CCDC146: variants seen among roughly 807,000 people sequenced by gnomAD.
CCDC146 encodes the protein coiled-coil domain-containing protein 146.
A neutral mutation model predicts 119.3 loss-of-function variants in CCDC146; 92 were observed. The observed-to-expected ratio is 0.77, with a 90% confidence interval of 0.65 to 0.92. The LOEUF is 0.92. Among genes scored for constraint, CCDC146 ranks in the 40% least tolerant of loss-of-function variants. CCDC146 has a pLI of 0.00. For synonymous variants in CCDC146, 372 were observed against 371.8 expected (o/e 1.00, Z -0.01); for missense variants, 1,000 against 1,103.0 (o/e 0.91, Z 1.32).
chr7:77,289,363 A>G (rs1196814614), intron 17 of CCDC146, among the ~76,000 whole-genome samples: 1 of 152,148 alleles, frequency 6.6e-6, no homozygotes, highest in African/African-American at 2.4e-5. Flanking sequence ...TCCTAGTCTA[A>G]CAATTATTCT....
Position 77,209,963 on chromosome 7 carries a change from C to G in CCDC146, c.157-26984C>G, listed in dbSNP as rs1792151646. Among the ~76,000 whole-genome samples, 3 of 152,338 alleles carry G rather than the reference C, an allele frequency of 2.0e-5. No homozygotes were observed. In the South Asian group the frequency reaches 6.2e-4, roughly 32 times the overall value. On this transcript the variant is annotated intron_variant, in intron 2 of 18. Transcript: ENST00000285871. ...CACAAAACCATTTTTCCCTCCTAGGCCTCCAGGCCTGTGATGAGAGGGGCT... is the reference window on the plus strand; with the variant it reads ...CACAAAACCATTTTTCCCTCCTAGGGCTCCAGGCCTGTGATGAGAGGGGCT...
At chr7:77,132,531 A>G (rs1279175939) in intron 1 of CCDC146, among the ~76,000 whole-genome samples, 7 of 144,898 alleles carry the variant, frequency 4.8e-5, no homozygotes, top group African/African-American at 1.8e-4. Context: ...AGCCTGGGCA[A>G]CATAGTGAGT....
chr7:77,184,700 T>C (rs1000150506), intron 2 of CCDC146, among the ~76,000 whole-genome samples: 3 of 152,196 alleles, frequency 2.0e-5, no homozygotes, highest in East Asian at 1.9e-4. Context: ...TTGGAGAGCA[T>C]AGGAACTTGT....
intron 2 of CCDC146, among the ~76,000 whole-genome samples, chr7:77,233,828 A>G (rs944216577): frequency 6.6e-6 from 1 of 152,214 alleles, no homozygotes; most frequent in Non-Finnish European, 1.5e-5. Flanking sequence ...TTTAACTTGC[A>G]ATATTAAAAC....
chr7:77,172,203 T>C (rs10232156), intron 2 of CCDC146, among the ~76,000 whole-genome samples: 15,767 of 152,256 alleles, frequency 0.1, 2,669 homozygotes, highest in African/African-American at 0.36. Context: ...TTGTTCCTAA[T>C]TGGCATCTGT....
chr7:77,186,346 G>A (rs111970380), intron 2 of CCDC146, among the ~76,000 whole-genome samples: 1 of 152,212 alleles, frequency 6.6e-6, no homozygotes, highest in African/African-American at 2.4e-5. Flanking sequence ...CAACAACATG[G>A]ATGGAACTGG....
chr7:77,198,033 A>G, intron 2 of CCDC146: 1 of 706,270 alleles, frequency 1.4e-6, no homozygotes, highest in Non-Finnish European at 1.7e-6. Context: ...ATTTCACCCA[A>G]AATGTTTAGG....
rs775234919 is a variant in CCDC146 at position 77,289,439 on chromosome 7, C to T, written c.2415+1862C>T. Among the ~76,000 whole-genome samples, 8 of 152,296 alleles carry T rather than the reference C, an allele frequency of 5.3e-5. No individual in the cohort carries two copies. The South Asian group carries it at 1.7e-3, about 32-fold the overall frequency. On this transcript the variant is annotated intron_variant, in intron 17 of 18. Transcript: ENST00000285871. The stretch of plus-strand genomic sequence containing the variant: ...CTTCCTCCTCCCCAGCTTTCACTGT[C>T]CCCACTCCATTTAAAATGATAATCT...
At chr7:77,206,686 C>T (rs56126874) in intron 2 of CCDC146, among the ~76,000 whole-genome samples, 17 of 150,202 alleles carry the variant, frequency 1.1e-4, no homozygotes, top group African/African-American at 3.7e-4. Flanking sequence ...CACACACACA[C>T]ACACATACAT....
At chr7:77,221,947 T>G (rs4463350) in intron 2 of CCDC146, among the ~76,000 whole-genome samples, 16,110 of 152,232 alleles carry the variant, frequency 0.11, 1,118 homozygotes, top group Non-Finnish European at 0.16. Flanking sequence ...CAAATGAGAA[T>G]TTCAGCGAAC....
At chr7:77,218,804 T>A (rs926937991) in intron 2 of CCDC146, among the ~76,000 whole-genome samples, 6 of 152,008 alleles carry the variant, frequency 3.9e-5, no homozygotes, top group African/African-American at 1.4e-4. Context: ...ACTCCTGGGC[T>A]CAAGTGATCC....
At chr7:77,273,129 G>C (rs1793558062) in intron 9 of CCDC146, among the ~76,000 whole-genome samples, 3 of 152,132 alleles carry the variant, frequency 2.0e-5, no homozygotes, top group Admixed American at 2.0e-4. Flanking sequence ...ACCTCCCTGG[G>C]TTTACACCTG....
chr7:77,196,394 C>T lies in CCDC146; in HGVS notation c.156+28570C>T, dbSNP rs376529141. ...CCAGGTACCCCAGAAAATCCCATTACGGACACCTCTGTATTTTTGGTGATA... is the reference window on the plus strand; with the variant it reads ...CCAGGTACCCCAGAAAATCCCATTATGGACACCTCTGTATTTTTGGTGATA... On this transcript the variant is annotated intron_variant, in intron 2 of 18. Transcript: ENST00000285871. This position sits in a 1 kb window ranked among gnomAD's most constrained non-coding sequence, Gnocchi z 4.2. 19 of 1,614,008 alleles carry T rather than the reference C, an allele frequency of 1.2e-5. No individual in the cohort carries two copies. The highest frequency in any genetic ancestry group is 5.3e-5 in the African/African-American group (4 of 74,930).
At chr7:77,237,692 A>T (rs1401824940) in intron 3 of CCDC146, among the ~76,000 whole-genome samples, 1 of 152,160 alleles carries the variant, frequency 6.6e-6, no homozygotes, top group Non-Finnish European at 1.5e-5. Flanking sequence ...ATCACAAGCT[A>T]CTTACACCTT....
intron 2 of CCDC146, among the ~76,000 whole-genome samples, chr7:77,171,226 A>C (rs1306304250): frequency 6.6e-6 from 1 of 152,188 alleles, no homozygotes; most frequent in Non-Finnish European, 1.5e-5. Flanking sequence ...AAACCCAATC[A>C]TACCCGATCT....
At chr7:77,128,614 C>G (rs1790740763) in intron 1 of CCDC146, among the ~76,000 whole-genome samples, 1 of 151,406 alleles carries the variant, frequency 6.6e-6, no homozygotes, top group African/African-American at 2.4e-5. Context: ...TCCTGCCACA[C>G]AGAAATTGTA....
At chr7:77,213,830 C>T (rs1366878744) in intron 2 of CCDC146, among the ~76,000 whole-genome samples, 2 of 152,174 alleles carry the variant, frequency 1.3e-5, no homozygotes, top group Non-Finnish European at 2.9e-5. Context: ...CATAGTATTC[C>T]ATGGTGTATA....
chr7:77,132,362 A>G (rs1279996167), intron 1 of CCDC146, among the ~76,000 whole-genome samples: 1 of 152,086 alleles, frequency 6.6e-6, no homozygotes, highest in Non-Finnish European at 1.5e-5. Flanking sequence ...TGGGAAAAGG[A>G]TAATGCATCA....
intron 9 of CCDC146, among the ~76,000 whole-genome samples, chr7:77,270,336 T>TA (rs1305415999): frequency 2.0e-5 from 3 of 151,946 alleles, no homozygotes; most frequent in South Asian, 2.1e-4. Context: ...TTTTTTTTTT[T>TA]ACTTTACACA....
Sources: gnomAD v4.1 joint callset for allele counts (sites outside exome capture counted in the v4.1 genomes callset) on GRCh38, gnomAD v4.1.1 for gene constraint, Gnocchi (gnomAD v3.1) non-coding constraint, MANE v1.5 for transcripts, NCBI Gene and HGNC (gene_info 2026-07-23, HGNC 2026-07-21) for gene names.